POU3F3: variants seen among roughly 807,000 people sequenced by gnomAD.
The protein encoded by POU3F3 is POU domain, class 3, transcription factor 3.
A neutral mutation model predicts 8.6 loss-of-function variants in POU3F3; 1 was observed. The ratio of observed to expected loss-of-function variants is 0.12; its 90% CI spans 0.04 to 0.55. POU3F3 has a LOEUF of 0.55. POU3F3 is among the 20% of genes least tolerant of loss of function. The probability of loss-of-function intolerance (pLI) is 0.91; values close to 1 mark genes in which losing one functional copy is unlikely to be tolerated. For synonymous variants in POU3F3, 418 were observed against 327.4 expected, an observed-to-expected ratio of 1.28 and a Z score of -2.99; for missense variants, 577 against 690.7, an observed-to-expected ratio of 0.84 and a Z score of 1.84.
At position 104,856,940 on chromosome 2, in the gene POU3F3, T is replaced by C; in HGVS notation, c.1430T>C (p.Val477Ala). Residue 477 changes from valine (V) to alanine (A), a missense_variant, in exon 1 of 1, where the codon GTC (valine) becomes GCC (alanine). Coordinates refer to ENST00000361360, the MANE Select transcript of POU3F3 (RefSeq NM_006236.3). ...PGIQQQTPDD[V>A]YSQVGTVSAD... ...ATCCAACAGCAGACGCCCGACGACG[T>C]CTACTCGCAGGTGGGCACCGTGAGC... 9.9e-6 allele frequency: 16 copies of C among 1,613,136 alleles called. No individual in the cohort carries two copies. The highest frequency in any genetic ancestry group is 1.3e-5 in the Non-Finnish European group (15 of 1,179,872).
chr2:104,872,423 C>A, the POU3F3 span: 1 of 436,710 alleles, frequency 2.3e-6, no homozygotes, highest in Admixed American at 2.5e-5. This position sits in a 1 kb window ranked among gnomAD's most constrained non-coding sequence, Gnocchi z 4.6. Context: ...GGCGAGAAAT[C>A]CTGCTTCCAA....
chr2:104,895,869 A>G, the POU3F3 span, among the ~76,000 whole-genome samples: 2 of 152,196 alleles, frequency 1.3e-5, no homozygotes, highest in Non-Finnish European at 2.9e-5. Context: ...GAAGCATCTG[A>G]CCTGGAAGAC....
the POU3F3 span, among the ~76,000 whole-genome samples, chr2:104,870,530 C>G: frequency 6.6e-6 from 1 of 152,180 alleles, no homozygotes; most frequent in African/African-American, 2.4e-5. Flanking sequence ...GGGGAAATAT[C>G]CCAAGCCAGG....
At chr2:104,918,036 C>T in the POU3F3 span, among the ~76,000 whole-genome samples, 1 of 152,164 alleles carries the variant, frequency 6.6e-6, no homozygotes, top group Non-Finnish European at 1.5e-5. Context: ...TCTAGATAAA[C>T]CTGAAGATTC....
the POU3F3 span, among the ~76,000 whole-genome samples, chr2:104,926,322 G>A: frequency 6.6e-6 from 1 of 152,134 alleles, no homozygotes; most frequent in Admixed American, 6.5e-5. Context: ...CCTAAAAGAA[G>A]ACATTTATGT....
Position 104,856,126 on chromosome 2 carries a change from C to T in POU3F3, c.616C>T (p.Leu206Phe), listed in dbSNP as rs1238181004. The change falls in exon 1 of 1, where the codon CTC becomes TTC. Residue 206 changes from leucine to phenylalanine, a missense_variant. By Grantham distance (22) the Leu-to-Phe change is conservative. Around this residue, in one of 7 missense-constraint regions of POU3F3, gnomAD observed 484 missense variants for 422.6 expected, o/e 1.15. Coordinates refer to ENST00000361360, the MANE Select transcript of POU3F3 (RefSeq NM_006236.3). ...AAAAAAAAAHLPSMAGGQQPP... is the reference protein window; with the variant it reads ...AAAAAAAAAHFPSMAGGQQPP... ...CGCCGCCGCCGCCGCCGCCGCGCAC[C>T]TCCCGTCCATGGCCGGGGGCCAGCA... 14 of 1,185,358 alleles carry T rather than the reference C, an allele frequency of 1.2e-5. No individual in the cohort carries two copies. Among genetic ancestry groups the T allele is most frequent in the Non-Finnish European group, 1.5e-5 (14 of 959,346 alleles). 73.4% of individuals were successfully genotyped at this position (1,185,358 alleles called of 1,614,324 possible).
chr2:104,878,990 AAC>A, the POU3F3 span, among the ~76,000 whole-genome samples: 3 of 151,950 alleles, frequency 2.0e-5, no homozygotes, highest in Non-Finnish European at 2.9e-5. Flanking sequence ...CGGCACACAC[AAC>A]ACACAACATA....
At chr2:104,896,253 G>A in the POU3F3 span, among the ~76,000 whole-genome samples, 1 of 152,182 alleles carries the variant, frequency 6.6e-6, no homozygotes, top group African/African-American at 2.4e-5. Flanking sequence ...CTGGGTAGGG[G>A]TCCCTGCATG....
the POU3F3 span, among the ~76,000 whole-genome samples, chr2:104,910,498 T>C: frequency 6.6e-6 from 1 of 152,160 alleles, no homozygotes; most frequent in African/African-American, 2.4e-5. Flanking sequence ...ACTCTCCAGG[T>C]ATTATTTCAC....
At chr2:104,874,949 A>C in the POU3F3 span, among the ~76,000 whole-genome samples, 1 of 152,130 alleles carries the variant, frequency 6.6e-6, no homozygotes, top group African/African-American at 2.4e-5. Context: ...TTTTTATCTT[A>C]CAGATCTGAA....
chr2:104,875,363 T>C, the POU3F3 span, among the ~76,000 whole-genome samples: 2 of 152,246 alleles, frequency 1.3e-5, no homozygotes, highest in Non-Finnish European at 2.9e-5. Context: ...AGAAGTAGAA[T>C]TGCTGAATCA....
chr2:104,905,217 C>T, the POU3F3 span, among the ~76,000 whole-genome samples: 2 of 152,202 alleles, frequency 1.3e-5, no homozygotes, highest in Non-Finnish European at 2.9e-5. Context: ...AGCATCATGA[C>T]AGACTTTTAC....
the POU3F3 span, among the ~76,000 whole-genome samples, chr2:104,889,849 C>T: frequency 2.0e-5 from 3 of 152,118 alleles, no homozygotes; most frequent in Non-Finnish European, 4.4e-5. Flanking sequence ...TTCAACATGC[C>T]TAATTAACAG....
At chr2:104,867,336 G>C in the POU3F3 span, 1 of 152,362 alleles carries the variant, frequency 6.6e-6, no homozygotes. This position sits in a 1 kb window ranked among gnomAD's most constrained non-coding sequence, Gnocchi z 5.0. Flanking sequence ...GGAGGGAACC[G>C]AGGGGCCCGG....
At chr2:104,924,994 T>C in the POU3F3 span, among the ~76,000 whole-genome samples, 2 of 152,236 alleles carry the variant, frequency 1.3e-5, no homozygotes, top group South Asian at 2.1e-4. Flanking sequence ...TGCAAAGATA[T>C]CTTAATCCAG....
At chr2:104,865,771 T>C in the POU3F3 span, 1 of 152,192 alleles carries the variant, frequency 6.6e-6, no homozygotes, top group Non-Finnish European at 1.5e-5. Context: ...TCTGCCCCTA[T>C]CAAGGTCTCA....
the POU3F3 span, among the ~76,000 whole-genome samples, chr2:104,885,851 G>GTGA: frequency 6.6e-6 from 1 of 151,962 alleles, no homozygotes; most frequent in East Asian, 1.9e-4. Flanking sequence ...AGGCTGGAGT[G>GTGA]TGATGGCGTA....
At chr2:104,917,512 T>C in the POU3F3 span, among the ~76,000 whole-genome samples, 1 of 152,156 alleles carries the variant, frequency 6.6e-6, no homozygotes, top group East Asian at 1.9e-4. Context: ...TAACAGGTTC[T>C]TCTGAAGAAG....
chr2:104,873,159 T>TA, the POU3F3 span, among the ~76,000 whole-genome samples: 2 of 152,092 alleles, frequency 1.3e-5, no homozygotes, highest in Non-Finnish European at 2.9e-5. Context: ...GCCATTCTCT[T>TA]AAAAACAGGG....
Sources: gnomAD v4.1 joint callset for allele counts (sites outside exome capture counted in the v4.1 genomes callset) on GRCh38, gnomAD v4.1.1 for gene constraint, gnomAD v4.1.1 regional missense constraint, Gnocchi (gnomAD v3.1) non-coding constraint, MANE v1.5 for transcripts, NCBI Gene and HGNC (gene_info 2026-07-23, HGNC 2026-07-21) for gene names.